SNAP25: variants seen among roughly 807,000 people sequenced by gnomAD.
SNAP25 encodes synaptosomal-associated protein 25.
SNAP25 carries 3 observed loss-of-function variants against 28.7 expected under a neutral mutation model. That is an observed-to-expected ratio of 0.10 (90% CI 0.05 to 0.27). The LOEUF (loss-of-function observed/expected upper bound fraction) is 0.27. Among genes scored for constraint, SNAP25 ranks in the 10% least tolerant of loss-of-function variants. SNAP25 has a pLI of 1.00. For missense variants in SNAP25, 117 were observed against 278.7 expected (o/e 0.42, Z 4.13); for synonymous variants, 61 against 88.1 (o/e 0.69, Z 1.72).
intron 3 of SNAP25, among the ~76,000 whole-genome samples, chr20:10,284,120 T>C (rs1057265312): frequency 6.6e-6 from 1 of 152,212 alleles, no homozygotes. Context: ...AAACCCATTC[T>C]AAATACTGTA....
chr20:10,264,239 G>A (rs1438896728), intron 1 of SNAP25, among the ~76,000 whole-genome samples: 1 of 152,100 alleles, frequency 6.6e-6, no homozygotes, highest in Non-Finnish European at 1.5e-5. Flanking sequence ...CTAGCCCAGG[G>A]AAGGGGCATA....
intron 5 of SNAP25, among the ~76,000 whole-genome samples, chr20:10,294,121 T>C (rs910984816): frequency 1.3e-5 from 2 of 152,152 alleles, no homozygotes; most frequent in African/African-American, 2.4e-5. Flanking sequence ...CATGAGTGGA[T>C]TGCCCAACAT....
chr20:10,262,098 G>GA (rs1306742813), intron 1 of SNAP25, among the ~76,000 whole-genome samples: 1 of 152,026 alleles, frequency 6.6e-6, no homozygotes, highest in Non-Finnish European at 1.5e-5. Flanking sequence ...ATCTAAGTCA[G>GA]AAAAAAGTAG....
rs770300828 is a variant in SNAP25 at position 10,293,298 on chromosome 20, C to CT, written c.281+21dup. 1 of 1,587,834 alleles carries CT rather than the reference C, an allele frequency of 6.3e-7. No homozygotes were observed. Among genetic ancestry groups the CT allele is most frequent in the Non-Finnish European group, 8.6e-7 (1 of 1,156,390 alleles). Reference sequence around the variant, plus strand: ...TAACAAGTAGGTGCTGCCTGCCTGCCTGAAGCTTTGATTTCCCAAGGCCCA... The same window carrying CT: ...TAACAAGTAGGTGCTGCCTGCCTGCCTTGAAGCTTTGATTTCCCAAGGCCCA... On this transcript the variant is annotated intron_variant, in intron 5 of 7. Transcript: ENST00000254976. This position sits in a 1 kb window ranked among gnomAD's most constrained non-coding sequence, Gnocchi z 5.6.
chr20:10,268,625 A>G (rs1484181194), intron 1 of SNAP25, among the ~76,000 whole-genome samples: 1 of 152,120 alleles, frequency 6.6e-6, no homozygotes, highest in Non-Finnish European at 1.5e-5. Flanking sequence ...CTCATATTTC[A>G]GTTCAGAGTC....
At position 10,279,834 on chromosome 20, in the gene SNAP25, T is replaced by C. The variant is rs542818799; in HGVS notation, c.114+2108T>C. 2.0e-5 allele frequency among the ~76,000 whole-genome samples: 3 copies of C among 152,334 alleles called. No homozygotes were observed. In the East Asian group the frequency reaches 5.8e-4, roughly 29 times the overall value. On this transcript the variant is annotated intron_variant, in intron 3 of 7. Coordinates refer to ENST00000254976, the MANE Select transcript of SNAP25 (RefSeq NM_130811.4). ...TATTAGACTTTCCATGCTTAGGAAA[T>C]TGTGAGCAAAGTGTTATTAGAGTAG... is the stretch of plus-strand genomic sequence containing the variant.
At position 10,304,093 on chromosome 20, in the gene SNAP25, A is replaced by T. The variant is rs2064300348; in HGVS notation, c.553-2036A>T. On this transcript the variant is annotated intron_variant, in intron 7 of 7. Coordinates refer to ENST00000254976, the MANE Select transcript of SNAP25 (RefSeq NM_130811.4). ...CACATTATGTGTATAAACTCATTTG[A>T]TCTCAGCAAATTGAATAGTAAGTGA... is the stretch of plus-strand genomic sequence containing the variant. Among the ~76,000 whole-genome samples the T allele has an allele frequency of 2.6e-5, 4 of 152,176 alleles. No individual in the cohort carries two copies. In the South Asian group the frequency reaches 8.3e-4, roughly 32 times the overall value.
At chr20:10,244,078 G>A in intron 1 of SNAP25, among the ~76,000 whole-genome samples, 1 of 152,202 alleles carries the variant, frequency 6.6e-6, no homozygotes, top group African/African-American at 2.4e-5. Flanking sequence ...CCTCCTCTGA[G>A]AAATGGGTAT....
intron 4 of SNAP25, among the ~76,000 whole-genome samples, chr20:10,286,148 G>GGGGAGA (rs2063873187): frequency 1.3e-5 from 2 of 152,060 alleles, no homozygotes; most frequent in African/African-American, 4.8e-5. Flanking sequence ...ATCTGTCGGT[G>GGGGAGA]GGGAGACCAA....
intron 1 of SNAP25, among the ~76,000 whole-genome samples, chr20:10,244,485 CTG>C (rs1190081273): frequency 6.6e-6 from 1 of 152,160 alleles, no homozygotes; most frequent in Non-Finnish European, 1.5e-5. Flanking sequence ...CATTAGGAAA[CTG>C]AGGCACAGTG....
chr20:10,259,934 G>T (rs1257986403), intron 1 of SNAP25, among the ~76,000 whole-genome samples: 1 of 152,210 alleles, frequency 6.6e-6, no homozygotes, highest in Admixed American at 6.5e-5. Flanking sequence ...GTTTGGAAGA[G>T]AATTTGCACA....
intron 1 of SNAP25, among the ~76,000 whole-genome samples, chr20:10,235,920 G>A (rs1017977157): frequency 6.6e-6 from 1 of 152,218 alleles, no homozygotes; most frequent in Non-Finnish European, 1.5e-5. Context: ...AGTCTTTGTT[G>A]AGGCTACATT....
At position 10,299,371 on chromosome 20, in the gene SNAP25, A is replaced by G. The variant is rs753153384; in HGVS notation, c.511A>G (p.Ile171Val). The part of the protein sequence containing the change: ...RHMALDMGNE[I>V]DTQNRQIDRI... Reference sequence around the variant, plus strand: ...CATGGCCCTGGATATGGGCAATGAGATCGATACACAGAATCGCCAGATCGA... The same window carrying G: ...CATGGCCCTGGATATGGGCAATGAGGTCGATACACAGAATCGCCAGATCGA... Residue 171 changes from isoleucine to valine, a missense_variant, in exon 7 of 8, where the codon ATC (isoleucine) becomes GTC (valine). This residue lies in a region of SNAP25 where 88 missense variants were observed against 206.9 expected (regional missense o/e 0.43). Coordinates refer to ENST00000254976, the MANE Select transcript of SNAP25 (RefSeq NM_130811.4). 3.7e-6 allele frequency: 6 copies of G among 1,613,956 alleles called. No individual in the cohort carries two copies. The highest frequency in any genetic ancestry group is 5.1e-6 in the Non-Finnish European group (6 of 1,179,968).
chr20:10,295,185 C>T (rs1055287096), intron 5 of SNAP25, among the ~76,000 whole-genome samples: 15 of 152,202 alleles, frequency 9.9e-5, no homozygotes, highest in African/African-American at 3.4e-4. Context: ...CGCCCTGTCT[C>T]GGCATGTTTC....
At chr20:10,274,738 G>C (rs930768369) in intron 1 of SNAP25, among the ~76,000 whole-genome samples, 2 of 152,148 alleles carry the variant, frequency 1.3e-5, no homozygotes, top group African/African-American at 4.8e-5. Flanking sequence ...AGCTACTCGG[G>C]AGGCTGAGGC....
chr20:10,239,101 C>A (rs1172187847), intron 1 of SNAP25, among the ~76,000 whole-genome samples: 2 of 152,092 alleles, frequency 1.3e-5, no homozygotes, highest in Non-Finnish European at 2.9e-5. Flanking sequence ...GATTAGGGAG[C>A]ATTAATTTTA....
chr20:10,247,806 A>G (rs1236896559), intron 1 of SNAP25, among the ~76,000 whole-genome samples: 1 of 152,228 alleles, frequency 6.6e-6, no homozygotes, highest in Non-Finnish European at 1.5e-5. Context: ...TAGGTCAGTT[A>G]GCTTTTGCTT....
At chr20:10,243,506 C>T (rs895227938) in intron 1 of SNAP25, among the ~76,000 whole-genome samples, 13 of 152,166 alleles carry the variant, frequency 8.5e-5, no homozygotes, top group African/African-American at 3.1e-4. Flanking sequence ...GACAGTTCCT[C>T]AGTCTTTCTT....
intron 6 of SNAP25, among the ~76,000 whole-genome samples, chr20:10,297,969 CAG>C (rs973750055): frequency 1.3e-5 from 2 of 151,360 alleles, no homozygotes; most frequent in African/African-American, 2.4e-5. Flanking sequence ...AATTATGACT[CAG>C]GGGCATTTCC....
Sources: allele counts gnomAD v4.1 joint callset (sites outside exome capture counted in the v4.1 genomes callset), GRCh38; gene constraint gnomAD v4.1.1; regional missense constraint gnomAD v4.1.1; non-coding constraint Gnocchi (gnomAD v3.1); transcripts MANE v1.5; gene names NCBI Gene and HGNC (gene_info 2026-07-23, HGNC 2026-07-21).